Variants in BMPR2 observed in about 807,000 individuals in gnomAD.
BMPR2 encodes the protein bone morphogenetic protein receptor type-2.
A neutral mutation model predicts 100.8 loss-of-function variants in BMPR2; 29 were observed. The observed-to-expected ratio is 0.29, with a 90% confidence interval of 0.21 to 0.39. The LOEUF is 0.39. Ranked by LOEUF, BMPR2 falls within the 10% of genes least tolerant of loss-of-function variation. The pLI is 1.00. For synonymous variants in BMPR2, 382 were observed against 442.3 expected (o/e 0.86, Z 1.71); for missense variants, 1,011 against 1,274.5 (o/e 0.79, Z 3.15).
intron 6 of BMPR2, among the ~76,000 whole-genome samples, chr2:202,519,369 T>A (rs1419846438): frequency 6.6e-6 from 1 of 150,916 alleles, no homozygotes; most frequent in Non-Finnish European, 1.5e-5. Context: ...TCTCAAAAAA[T>A]AAAAAAAAAT....
At chr2:202,416,841 C>CTTTTTT (rs1440014293) in intron 1 of BMPR2, among the ~76,000 whole-genome samples, 2 of 139,680 alleles carry the variant, frequency 1.4e-5, no homozygotes, top group Non-Finnish European at 1.6e-5. Flanking sequence ...TTTTCTTTTT[C>CTTTTTT]TTTTTTTTTT....
intron 8 of BMPR2, 147 bp downstream of exon 8, chr2:202,531,101 G>C: frequency 1.1e-6 from 1 of 935,568 alleles, no homozygotes; most frequent in Non-Finnish European, 1.6e-6. Context: ...TAAAGAGTTC[G>C]AGACCAGCTT....
intron 1 of BMPR2, among the ~76,000 whole-genome samples, chr2:202,391,886 T>G (rs966200930): frequency 1.4e-5 from 2 of 143,058 alleles, no homozygotes; most frequent in African/African-American, 5.3e-5. Context: ...CTCAACCTCC[T>G]GAGTAGCTGG....
At chr2:202,403,780 G>A (rs1205966136) in intron 1 of BMPR2, among the ~76,000 whole-genome samples, 2 of 152,150 alleles carry the variant, frequency 1.3e-5, no homozygotes, top group Non-Finnish European at 2.9e-5. Flanking sequence ...TCCAAGGCGG[G>A]TGATCACATG....
At chr2:202,433,893 C>T (rs970603997) in intron 1 of BMPR2, among the ~76,000 whole-genome samples, 4 of 149,688 alleles carry the variant, frequency 2.7e-5, no homozygotes, top group Non-Finnish European at 4.4e-5. Flanking sequence ...GGCGACAGAG[C>T]GAGACTCTGT....
At chr2:202,534,874 C>T (rs1381435211) in intron 9 of BMPR2, among the ~76,000 whole-genome samples, 1 of 147,818 alleles carries the variant, frequency 6.8e-6, no homozygotes, top group Non-Finnish European at 1.5e-5. Context: ...ACCTCCCTCC[C>T]GGACGGGGCG....
rs750617065 is a variant in BMPR2, at chr2:202,555,751, C to T, written c.2086C>T (p.Pro696Ser). The change falls in exon 12 of 13, where the codon CCA (proline) becomes TCA (serine). Residue 696 changes from proline (P) to serine (S), a missense_variant. Coordinates refer to ENST00000374580, the MANE Select transcript of BMPR2 (RefSeq NM_001204.7). ...MEHSLKQFSG[P>S]DPLSSTSSSL... is the part of the protein sequence containing the mutation. ...GCACTCTCTTAAACAGTTCAGTGGC[C>T]CAGACCCACTGAGCAGTACTAGTTC... 9.3e-6 allele frequency: 15 copies of T among 1,614,022 alleles called. No individual in the cohort carries two copies. The highest frequency in any genetic ancestry group is 1.2e-5 in the Non-Finnish European group (14 of 1,180,022).
intron 6 of BMPR2, among the ~76,000 whole-genome samples, chr2:202,519,570 TATTTA>T (rs1468495439): frequency 1.3e-5 from 2 of 152,134 alleles, no homozygotes; most frequent in East Asian, 3.8e-4. Context: ...TTCTCTTCTT[TATTTA>T]ATTTTTTGAT....
chr2:202,537,177 TGAGCC>T (rs1165477866), intron 9 of BMPR2, among the ~76,000 whole-genome samples: 2 of 152,210 alleles, frequency 1.3e-5, no homozygotes, highest in African/African-American at 2.4e-5. Flanking sequence ...ATTGCAGGCA[TGAGCC>T]ACCACACCCA....
rs1044586982 is a variant in BMPR2, at chr2:202,495,518, A to C, written c.419-18201A>C. On this transcript the variant is annotated intron_variant, in intron 3 of 12. Transcript: ENST00000374580. The surrounding 1 kb of genome is among the most constrained non-coding windows in gnomAD (Gnocchi z 4.5). Reference sequence around the variant, plus strand: ...CTGGCCGCCTGTGTGTCTGCCTGCTAGGGTCTCGGGTTTTTATAGGCCCAG... The same window carrying C: ...CTGGCCGCCTGTGTGTCTGCCTGCTCGGGTCTCGGGTTTTTATAGGCCCAG... Among the ~76,000 whole-genome samples the C allele has an allele frequency of 6.6e-6, 1 of 151,872 alleles. No homozygotes were observed. Among genetic ancestry groups the C allele is most frequent in the Admixed American group, 6.6e-5 (1 of 15,248 alleles).
At chr2:202,447,806 A>G (rs1458777741) in intron 1 of BMPR2, among the ~76,000 whole-genome samples, 2 of 150,894 alleles carry the variant, frequency 1.3e-5, no homozygotes, top group African/African-American at 2.5e-5. Flanking sequence ...GTGGAGTCTT[A>G]GGAAGATCCA....
intron 1 of BMPR2, among the ~76,000 whole-genome samples, chr2:202,406,277 G>C (rs1027204907): frequency 6.6e-6 from 1 of 152,220 alleles, no homozygotes; most frequent in Non-Finnish European, 1.5e-5. Context: ...TGTGTTCCGA[G>C]TAAGTTGTAG....
rs530421808 is a variant in BMPR2, at chr2:202,511,538, G to A, written c.419-2181G>A. Reference sequence around the variant, plus strand: ...TTCATATCCCACTTGCAATGTACAAGAGTTATAATTTATCCACATCCTTGC... The same window carrying A: ...TTCATATCCCACTTGCAATGTACAAAAGTTATAATTTATCCACATCCTTGC... On this transcript the variant is annotated intron_variant, in intron 3 of 12. Coordinates refer to ENST00000374580, the MANE Select transcript of BMPR2 (RefSeq NM_001204.7). Among the ~76,000 whole-genome samples the A allele has an allele frequency of 1.2e-4, 19 of 152,192 alleles. 1 individual carries two copies. The highest frequency in any genetic ancestry group is 6.2e-4 in the South Asian group (3 of 4,802).
At chr2:202,502,599 C>T (rs564456868) in intron 3 of BMPR2, among the ~76,000 whole-genome samples, 2 of 152,342 alleles carry the variant, frequency 1.3e-5, no homozygotes, top group South Asian at 4.1e-4. Flanking sequence ...ATCTACCTCT[C>T]AAACAGTTTG....
intron 1 of BMPR2, among the ~76,000 whole-genome samples, chr2:202,414,891 C>T (rs1016366037): frequency 2.6e-5 from 4 of 152,178 alleles, no homozygotes; most frequent in Non-Finnish European, 5.9e-5. Context: ...AGGTGTGCAC[C>T]ACCATGCCCG....
In BMPR2 at chr2:202,430,685, C is replaced by T. The variant is rs549170463; in HGVS notation, c.77-34124C>T. Among the ~76,000 whole-genome samples, 9 of 152,104 alleles carry T rather than the reference C, an allele frequency of 5.9e-5. No homozygotes were observed. In the South Asian group the frequency reaches 8.3e-4, roughly 14 times the overall value. On this transcript the variant is annotated intron_variant, in intron 1 of 12. Coordinates refer to ENST00000374580, the MANE Select transcript of BMPR2 (RefSeq NM_001204.7). Reference sequence around the variant, plus strand: ...TTATAACATTAACAACTTGGACAGGCGCGGTGGATCACACCTGTAATCCCA... The same window carrying T: ...TTATAACATTAACAACTTGGACAGGTGCGGTGGATCACACCTGTAATCCCA...
At chr2:202,552,937 G>A (rs2106042385) in intron 11 of BMPR2, 49 bp downstream of exon 11, 2 of 1,599,974 alleles carry the variant, frequency 1.3e-6, no homozygotes, top group East Asian at 2.2e-5. Context: ...TAGAAACTGA[G>A]ACCCAACAAA....
intron 1 of BMPR2, 142 bp downstream of exon 1, chr2:202,377,692 C>G (rs922036896): frequency 1.1e-6 from 1 of 940,310 alleles, no homozygotes; most frequent in Non-Finnish European, 1.6e-6. Flanking sequence ...CCGGTGCCTG[C>G]GCGCCTGCCC....
At chr2:202,556,585 T>C in intron 12 of BMPR2, 54 bp downstream of exon 12, 1 of 1,571,926 alleles carries the variant, frequency 6.4e-7, no homozygotes, top group Non-Finnish European at 8.7e-7. Flanking sequence ...GCCATTTAAA[T>C]AACTATTTAG....
Sources: gnomAD v4.1 joint callset for allele counts (sites outside exome capture counted in the v4.1 genomes callset) on GRCh38, gnomAD v4.1.1 for gene constraint, Gnocchi (gnomAD v3.1) non-coding constraint, MANE v1.5 for transcripts, NCBI Gene and HGNC (gene_info 2026-07-23, HGNC 2026-07-21) for gene names.